DCT: variants seen among roughly 807,000 people sequenced by gnomAD.
DCT encodes the protein dopachrome tautomerase.
DCT carries 47 observed loss-of-function variants against 53.0 expected under a neutral mutation model. That is an observed-to-expected ratio of 0.89 (90% confidence interval 0.70 to 1.13). The LOEUF is 1.13. Ranked by LOEUF, DCT falls within the 50% of genes most tolerant of loss-of-function variation. The probability of loss-of-function intolerance (pLI) is 0.00; values close to 1 mark genes in which losing one functional copy is unlikely to be tolerated. For synonymous variants in DCT, 244 were observed against 237.0 expected, an observed-to-expected ratio of 1.03 and a Z score of -0.27; for missense variants, 669 against 637.4, an observed-to-expected ratio of 1.05 and a Z score of -0.53.
chr13:94,475,377 G>A (rs146332896), intron 1 of DCT, among the ~76,000 whole-genome samples: 11 of 152,242 alleles, frequency 7.2e-5, no homozygotes, highest in East Asian at 3.9e-4. Flanking sequence ...TACCATTTGC[G>A]ACAGCATGGA....
At chr13:94,503,519 G>C in the DCT span, among the ~76,000 whole-genome samples, 1 of 152,160 alleles carries the variant, frequency 6.6e-6, no homozygotes, top group Admixed American at 6.5e-5. Context: ...CCTGGATTTA[G>C]GGTGGGCACA....
chr13:94,493,150 T>G, the DCT span, among the ~76,000 whole-genome samples: 1 of 152,182 alleles, frequency 6.6e-6, no homozygotes, highest in African/African-American at 2.4e-5. Context: ...TTTTCAGATC[T>G]AATATACTCT....
At position 94,437,676 on chromosome 13, in the gene DCT, A is replaced by C. The variant is rs935940928; in HGVS notation, c.*2222T>G. On this transcript the variant is annotated 3_prime_UTR_variant, in exon 8 of 8. Coordinates refer to ENST00000377028, the MANE Select transcript of DCT (RefSeq NM_001922.5). Reference sequence around the variant, plus strand: ...GACATTTTCTGAGTTTATTTGCATGATATTCAATGTAAGTAAATACCAACT... The same window carrying C: ...GACATTTTCTGAGTTTATTTGCATGCTATTCAATGTAAGTAAATACCAACT... 2.0e-5 allele frequency: 3 copies of C among 152,178 alleles called. No individual in the cohort carries two copies. The highest frequency in any genetic ancestry group is 7.2e-5 in the African/African-American group (3 of 41,454). The allele number at this position is 152,178 out of a possible 1,614,324, so 9.4% of individuals were successfully genotyped here.
At chr13:94,464,224 C>T (rs994896314) in intron 4 of DCT, among the ~76,000 whole-genome samples, 4 of 152,190 alleles carry the variant, frequency 2.6e-5, no homozygotes, top group African/African-American at 7.2e-5. Context: ...CCCCTCAAAA[C>T]GCACACCTAT....
chr13:94,445,835 C>T (rs963710123), intron 6 of DCT: 36 of 1,085,626 alleles, frequency 3.3e-5, no homozygotes, highest in African/African-American at 3.0e-4. Flanking sequence ...AATTGGGACC[C>T]GCTGCCCCAT....
At chr13:94,444,667 A>T (rs1182427536) in intron 6 of DCT, among the ~76,000 whole-genome samples, 6 of 152,170 alleles carry the variant, frequency 3.9e-5, no homozygotes, top group Admixed American at 3.9e-4. Flanking sequence ...GCTCAGGGGC[A>T]GTGTCCTTTT....
At chr13:94,531,277 T>C in the DCT span, among the ~76,000 whole-genome samples, 2 of 152,218 alleles carry the variant, frequency 1.3e-5, no homozygotes, top group East Asian at 1.9e-4. Flanking sequence ...CTTCATAGAA[T>C]TGGAAAAAAC....
rs772322360 is a variant in DCT at position 94,438,611 on chromosome 13, G to A, written c.*1287C>T. On this transcript the variant is annotated 3_prime_UTR_variant, in exon 8 of 8. Coordinates refer to ENST00000377028, the MANE Select transcript of DCT (RefSeq NM_001922.5). ...ACTTCAGTCTCACTCCTGATGCACA[G>A]AAACCAGATATGAGCAGATGAAATT... is the stretch of plus-strand genomic sequence containing the variant. 12 of 455,974 alleles carry A rather than the reference G, an allele frequency of 2.6e-5. No individual in the cohort carries two copies. Among genetic ancestry groups the A allele is most frequent in the South Asian group, 1.5e-4 (10 of 64,542 alleles). The allele number at this position is 455,974 out of a possible 1,614,324, so 28.2% of individuals were successfully genotyped here. A position where few individuals can be genotyped will look rare whatever the true frequency, so the allele number is the denominator to read the frequency against.
the DCT span, among the ~76,000 whole-genome samples, chr13:94,512,402 T>C: frequency 1.3e-5 from 2 of 152,192 alleles, no homozygotes; most frequent in Admixed American, 6.5e-5. Flanking sequence ...CACAATTCTT[T>C]CAGGCAAAAC....
At chr13:94,536,814 G>A in the DCT span, among the ~76,000 whole-genome samples, 12 of 152,096 alleles carry the variant, frequency 7.9e-5, no homozygotes, top group Non-Finnish European at 1.6e-4. Flanking sequence ...TGTAGTGGTG[G>A]GAGCTTGTAA....
chr13:94,527,461 C>T, the DCT span, among the ~76,000 whole-genome samples: 2 of 152,204 alleles, frequency 1.3e-5, no homozygotes, highest in Non-Finnish European at 2.9e-5. Flanking sequence ...ATTTGCTGTT[C>T]TGCAGCCTCC....
At position 94,455,955 on chromosome 13, in the gene DCT, C is replaced by T. The variant is rs554179792; in HGVS notation, c.1179+4136G>A. On this transcript the variant is annotated intron_variant, in intron 6 of 7. Coordinates refer to ENST00000377028, the MANE Select transcript of DCT (RefSeq NM_001922.5). ...GTATGCTTTAATAAATACTTAGAGA[C>T]GTATAGTATAAATAGATGTACAGAT... Among the ~76,000 whole-genome samples, 23 of 152,190 alleles carry T rather than the reference C, an allele frequency of 1.5e-4. No individual in the cohort carries two copies. The East Asian group carries it at 3.5e-3, about 23-fold the overall frequency.
At chr13:94,506,180 AT>A in the DCT span, among the ~76,000 whole-genome samples, 1 of 152,204 alleles carries the variant, frequency 6.6e-6, no homozygotes, top group Non-Finnish European at 1.5e-5. Context: ...ACCAGTGACT[AT>A]CTTTTGTTTC....
intron 2 of DCT, chr13:94,466,979 T>C (rs763285104): frequency 4.0e-5 from 7 of 172,974 alleles, no homozygotes; most frequent in Non-Finnish European, 7.4e-5. Flanking sequence ...TCAGGTGAAA[T>C]AGACTATCCA....
At chr13:94,546,692 C>T in the DCT span, among the ~76,000 whole-genome samples, 1 of 152,044 alleles carries the variant, frequency 6.6e-6, no homozygotes, top group Non-Finnish European at 1.5e-5. This position sits in a 1 kb window ranked among gnomAD's most constrained non-coding sequence, Gnocchi z 4.2. Flanking sequence ...GGTAATTGGT[C>T]GCAGCCAGCC....
intron 2 of DCT, 81 bp downstream of exon 2, chr13:94,468,665 A>T (rs1476139103): frequency 8.8e-6 from 11 of 1,253,978 alleles, no homozygotes; most frequent in Non-Finnish European, 1.2e-5. Flanking sequence ...ATTAACTTGC[A>T]TGAAATTACT....
At chr13:94,524,456 C>T in the DCT span, among the ~76,000 whole-genome samples, 1 of 152,208 alleles carries the variant, frequency 6.6e-6, no homozygotes, top group South Asian at 2.1e-4. Context: ...CCCAGACCCT[C>T]CCTGGCAGCA....
the DCT span, among the ~76,000 whole-genome samples, chr13:94,517,331 A>T: frequency 6.6e-6 from 1 of 152,022 alleles, no homozygotes; most frequent in Non-Finnish European, 1.5e-5. Flanking sequence ...AATATCCTGG[A>T]CCCTCATCTT....
intron 6 of DCT, among the ~76,000 whole-genome samples, chr13:94,447,030 C>T (rs1037143659): frequency 9.2e-5 from 14 of 152,080 alleles, no homozygotes; most frequent in African/African-American, 3.4e-4. Context: ...ACAATTCAAC[C>T]CATAACATTA....
Sources: allele counts gnomAD v4.1 joint callset (sites outside exome capture counted in the v4.1 genomes callset), GRCh38; gene constraint gnomAD v4.1.1; non-coding constraint Gnocchi (gnomAD v3.1); transcripts MANE v1.5; gene names NCBI Gene and HGNC (gene_info 2026-07-23, HGNC 2026-07-21).